PFKFB3: variants seen among roughly 807,000 people sequenced by gnomAD.
PFKFB3 encodes the protein 6-phosphofructo-2-kinase/fructose-2,6-biphosphatase 3, also known as 6-phosphofructo-2-kinase/fructose-2,6-bisphosphatase 3.
A neutral mutation model predicts 68.0 loss-of-function variants in PFKFB3; 33 were observed. That is an observed-to-expected ratio of 0.49 (90% CI 0.37 to 0.65). The LOEUF is 0.65. Ranked by LOEUF, PFKFB3 falls within the 30% of genes least tolerant of loss-of-function variation. The pLI is 0.00. For synonymous variants in PFKFB3, 315 were observed against 288.2 expected (o/e 1.09, Z -0.94); for missense variants, 586 against 712.2 (o/e 0.82, Z 2.02).
At chr10:6,308,707 T>A in the PFKFB3 span, among the ~76,000 whole-genome samples, 1 of 152,342 alleles carries the variant, frequency 6.6e-6, no homozygotes, top group Non-Finnish European at 1.5e-5. Context: ...TTTATTATAC[T>A]GTGAGTTAAT....
the PFKFB3 span, among the ~76,000 whole-genome samples, chr10:6,264,745 C>T: frequency 1.1e-4 from 16 of 152,116 alleles, no homozygotes; most frequent in South Asian, 4.2e-4. Flanking sequence ...TCTCTCTATA[C>T]GTGTATGTTA....
At chr10:6,147,065 C>G (rs892150037) in intron 1 of PFKFB3, among the ~76,000 whole-genome samples, 1 of 152,166 alleles carries the variant, frequency 6.6e-6, no homozygotes, top group African/African-American at 2.4e-5. Context: ...GGACCTCTCA[C>G]TTAGAAGTAA....
chr10:6,269,902 A>C, the PFKFB3 span, among the ~76,000 whole-genome samples: 1 of 152,080 alleles, frequency 6.6e-6, no homozygotes, highest in Non-Finnish European at 1.5e-5. Flanking sequence ...AGGCTGAGGC[A>C]GGTGGCTCAC....
chr10:6,302,374 T>TG, the PFKFB3 span, among the ~76,000 whole-genome samples: 79 of 94,602 alleles, frequency 8.4e-4, no homozygotes, highest in African/African-American at 3.1e-3. Flanking sequence ...TTTTTTTTTT[T>TG]TTTTTTTTTT....
intron 1 of PFKFB3, chr10:6,149,739 C>T (rs1414436623): frequency 1.9e-5 from 3 of 158,946 alleles, no homozygotes; most frequent in Non-Finnish European, 1.5e-5. Context: ...CCATGTGCGT[C>T]CCTCCCAAAG....
the PFKFB3 span, among the ~76,000 whole-genome samples, chr10:6,285,462 C>T: frequency 6.6e-6 from 1 of 152,092 alleles, no homozygotes; most frequent in South Asian, 2.1e-4. Flanking sequence ...CAAACTCCTG[C>T]CCTCAAGTGA....
chr10:6,307,564 T>TCCTC, the PFKFB3 span, among the ~76,000 whole-genome samples: 9 of 114,744 alleles, frequency 7.8e-5, no homozygotes, highest in Admixed American at 9.1e-4. Flanking sequence ...CTTCCTTCCT[T>TCCTC]CCTTCCTCCT....
chr10:6,256,264 G>T (rs1418052282), downstream of PFKFB3, among the ~76,000 whole-genome samples: 1 of 152,162 alleles, frequency 6.6e-6, no homozygotes, highest in Non-Finnish European at 1.5e-5. Flanking sequence ...TAAACCAGAG[G>T]ACATGAATTC....
chr10:6,249,870 G>A (rs1162930926), intron 14 of PFKFB3, among the ~76,000 whole-genome samples: 1 of 152,156 alleles, frequency 6.6e-6, no homozygotes, highest in East Asian at 1.9e-4. Flanking sequence ...TATTTGAGGT[G>A]ACGTATATGT....
Position 6,177,480 on chromosome 10 carries a change from C to T in PFKFB3, c.16+32467C>T, listed in dbSNP as rs1204911997. 3.4e-5 allele frequency among the ~76,000 whole-genome samples: 4 copies of T among 119,120 alleles called. No homozygotes were observed. The Admixed American group carries it at 3.7e-4, about 11-fold the overall frequency. 78.1% of individuals were successfully genotyped at this position (119,120 alleles called of 152,430 possible). ...TCTTTCTTTCTTTCTTTCTTTCTTT[C>T]TTTCTTTTTCTTTTCTTTCTCTCTC... On this transcript the variant is annotated intron_variant, in intron 1 of 14. Coordinates refer to the PFKFB3 transcript ENST00000379789.
the PFKFB3 span, among the ~76,000 whole-genome samples, chr10:6,275,981 G>C: frequency 6.6e-6 from 1 of 152,130 alleles, no homozygotes; most frequent in African/African-American, 2.4e-5. This position sits in a 1 kb window ranked among gnomAD's most constrained non-coding sequence, Gnocchi z 4.9. Context: ...AAATATGCTT[G>C]CTATTTCATG....
chr10:6,208,371 C>CTTTGTTTTTGTTTTTTTTTTTTTT (rs1843932356), intron 1 of PFKFB3, among the ~76,000 whole-genome samples: 1 of 60,624 alleles, frequency 1.6e-5, no homozygotes, highest in Non-Finnish European at 2.9e-5. Flanking sequence ...GGTACCTGGC[C>CTTTGTTTTTGTTTTTTTTTTTTTT]TTTTTTTTTT....
the PFKFB3 span, among the ~76,000 whole-genome samples, chr10:6,302,166 T>C: frequency 6.6e-6 from 1 of 151,598 alleles, no homozygotes; most frequent in Non-Finnish European, 1.5e-5. Context: ...GCGATTCTCC[T>C]GCCTCAGCCT....
At chr10:6,310,217 G>GGCCCTTA in the PFKFB3 span, among the ~76,000 whole-genome samples, 1 of 152,118 alleles carries the variant, frequency 6.6e-6, no homozygotes, top group Non-Finnish European at 1.5e-5. Flanking sequence ...GCCACAGCCA[G>GGCCCTTA]GCCCTTAGGA....
chr10:6,238,709 TC>T (rs1417511541), downstream of PFKFB3, among the ~76,000 whole-genome samples: 1 of 152,074 alleles, frequency 6.6e-6, no homozygotes, highest in African/African-American at 2.4e-5. Context: ...CCTGATCCTC[TC>T]CCTCCTCCCA....
intron 14 of PFKFB3, among the ~76,000 whole-genome samples, chr10:6,246,548 G>A (rs1222223861): frequency 6.6e-6 from 1 of 151,770 alleles, no homozygotes; most frequent in Non-Finnish European, 1.5e-5. Flanking sequence ...TACTATGTTG[G>A]TCAGGCTGGT....
At chr10:6,145,741 G>T (rs756201964) in intron 1 of PFKFB3, among the ~76,000 whole-genome samples, 78 of 152,162 alleles carry the variant, frequency 5.1e-4, no homozygotes, top group Non-Finnish European at 1.1e-3. Context: ...CCCCAGAAAA[G>T]CAAACTCAGG....
At chr10:6,306,939 A>G in the PFKFB3 span, among the ~76,000 whole-genome samples, 1 of 152,256 alleles carries the variant, frequency 6.6e-6, no homozygotes, top group African/African-American at 2.4e-5. Flanking sequence ...GTTAAACATT[A>G]TGCTGAGTGT....
the PFKFB3 span, chr10:6,293,044 T>C: frequency 2.7e-6 from 1 of 373,704 alleles, no homozygotes; most frequent in Non-Finnish European, 5.3e-6. Flanking sequence ...ATACAGAAGT[T>C]GCCAAAGAAG....
Sources: gnomAD v4.1 joint callset for allele counts (sites outside exome capture counted in the v4.1 genomes callset) on GRCh38, gnomAD v4.1.1 for gene constraint, Gnocchi (gnomAD v3.1) non-coding constraint, MANE v1.5 for transcripts, NCBI Gene and HGNC (gene_info 2026-07-23, HGNC 2026-07-21) for gene names.